The following EIF2A variants were observed in gnomAD, a reference collection of about 807,000 sequenced individuals.
The protein encoded by EIF2A is eukaryotic translation initiation factor 2A, also known as 65 kDa eukaryotic translation initiation factor 2A.
In EIF2A, 62 loss-of-function variants were observed where a neutral mutation model predicts 75.2. That is an observed-to-expected ratio of 0.82 (90% confidence interval 0.67 to 1.02). The LOEUF (loss-of-function observed/expected upper bound fraction) is 1.02. Among genes scored for constraint, EIF2A ranks in the 50% least tolerant of loss-of-function variants. The probability of loss-of-function intolerance (pLI) is 0.00; values close to 1 mark genes in which losing one functional copy is unlikely to be tolerated. For synonymous variants in EIF2A, 207 were observed against 239.0 expected (o/e 0.87, Z 1.23); for missense variants, 611 against 677.7 (o/e 0.90, Z 1.09).
At chr3:150,560,641 T>G (rs1723798384) in intron 3 of EIF2A, among the ~76,000 whole-genome samples, 1 of 152,132 alleles carries the variant, frequency 6.6e-6, no homozygotes, top group African/African-American at 2.4e-5. Flanking sequence ...ACTGCTTATC[T>G]TAACCTCAGT....
At chr3:150,562,861 G>T (rs1434719691) in intron 4 of EIF2A, 1 of 385,424 alleles carries the variant, frequency 2.6e-6, no homozygotes, top group Non-Finnish European at 4.7e-6. Flanking sequence ...AAGGTATATG[G>T]TAAGTTAATG....
chr3:150,556,663 A>T (rs772912526), intron 2 of EIF2A, among the ~76,000 whole-genome samples: 1 of 152,186 alleles, frequency 6.6e-6, no homozygotes, highest in Non-Finnish European at 1.5e-5. Flanking sequence ...CTTGATGATG[A>T]GTGCATAGGT....
intron 6 of EIF2A, chr3:150,566,519 A>G (rs576400382): frequency 6.6e-6 from 1 of 151,198 alleles, no homozygotes; most frequent in South Asian, 2.1e-4. Context: ...TTTTTTTTCT[A>G]TTTAAAAGAT....
chr3:150,550,296 C>T (rs1306588607), intron 1 of EIF2A, among the ~76,000 whole-genome samples: 3 of 152,110 alleles, frequency 2.0e-5, no homozygotes, highest in African/African-American at 2.4e-5. Flanking sequence ...TTCACAGATA[C>T]TTGTAACTAA....
chr3:150,581,922 A>C (rs950729788), intron 12 of EIF2A, among the ~76,000 whole-genome samples, 176 bp downstream of exon 12: 9 of 152,208 alleles, frequency 5.9e-5, no homozygotes, highest in African/African-American at 2.4e-5. Flanking sequence ...TTTTAGTTCT[A>C]TTCATAAATG....
chr3:150,579,906 C>T (rs1725075382), intron 11 of EIF2A, among the ~76,000 whole-genome samples: 2 of 152,018 alleles, frequency 1.3e-5, no homozygotes, highest in African/African-American at 4.8e-5. Context: ...ATATATTCCA[C>T]TGGAAATTCT....
intron 1 of EIF2A, chr3:150,547,153 C>T (rs543216798): frequency 2.0e-5 from 8 of 397,550 alleles, no homozygotes; most frequent in Middle Eastern, 1.5e-3. Context: ...TGGTGTTACA[C>T]GGGCCCTTGT....
chr3:150,549,807 A>G, intron 1 of EIF2A, among the ~76,000 whole-genome samples: 1 of 152,194 alleles, frequency 6.6e-6, no homozygotes, highest in Non-Finnish European at 1.5e-5. Flanking sequence ...CACATAAAAC[A>G]GCAATGTCCA....
At chr3:150,573,178 G>T (rs1724640924) in intron 10 of EIF2A, among the ~76,000 whole-genome samples, 1 of 152,122 alleles carries the variant, frequency 6.6e-6, no homozygotes, top group South Asian at 2.1e-4. Flanking sequence ...AAAGTAGTAG[G>T]TTTATTTTGG....
intron 1 of EIF2A, among the ~76,000 whole-genome samples, chr3:150,549,709 T>C (rs1723224732): frequency 6.6e-6 from 1 of 152,132 alleles, no homozygotes; most frequent in Non-Finnish European, 1.5e-5. Flanking sequence ...CTTTTAATCA[T>C]GTAGTCAGGA....
chr3:150,577,584 T>C (rs954343365), intron 11 of EIF2A, among the ~76,000 whole-genome samples: 1 of 151,898 alleles, frequency 6.6e-6, no homozygotes, highest in Non-Finnish European at 1.5e-5. Context: ...TTGGTTTGGT[T>C]TTGGCTTGGT....
chr3:150,564,510 A>G (rs1410321655), intron 6 of EIF2A, 129 bp downstream of exon 6: 1 of 607,734 alleles, frequency 1.6e-6, no homozygotes, highest in Non-Finnish European at 2.6e-6. Flanking sequence ...TCTTACATAC[A>G]TTTGCATAAT....
Position 150,581,635 on chromosome 3 carries a change from G to C in EIF2A, c.1515G>C (p.Lys505Asn). The C allele has an allele frequency of 6.4e-7, 1 of 1,551,172 alleles. No homozygotes were observed. The highest frequency in any genetic ancestry group is 8.7e-7 in the Non-Finnish European group (1 of 1,146,750). ...TCCTGCAGGAAGCAAGAAGTGACAA[G>C]AGTCCAGATTTGGCACCTACTCCTG... ...KAAKQEARSD[K>N]SPDLAPTPAP... The change falls in exon 12 of 14, where the codon AAG (lysine) becomes AAC (asparagine). Residue 505 changes from lysine (K) to asparagine (N), a missense_variant. Physicochemically the swap from Lys to Asn is moderately conservative, Grantham distance 94. Transcript: ENST00000460851.
Position 150,552,337 on chromosome 3 carries a change from T to C in EIF2A, c.29-19T>C. The C allele has an allele frequency of 6.5e-7, 1 of 1,545,620 alleles. No individual in the cohort carries two copies. Among genetic ancestry groups the C allele is most frequent in the Non-Finnish European group, 8.7e-7 (1 of 1,144,842 alleles). On this transcript the variant is annotated intron_variant, in intron 1 of 13. Coordinates refer to ENST00000460851, the MANE Select transcript of EIF2A (RefSeq NM_032025.5). ...TTATTAACAAAGTAATTGTGGTTCT[T>C]TTTATTTTACTTCTTTAGTCCGAGG...
Position 150,567,932 on chromosome 3 carries a change from G to A in EIF2A, c.580G>A (p.Ala194Thr). 6.2e-7 allele frequency: 1 copy of A among 1,611,564 alleles called. No individual in the cohort carries two copies. Among genetic ancestry groups the A allele is most frequent in the South Asian group, 1.1e-5 (1 of 90,386 alleles). The change falls in exon 8 of 14, where the codon GCA becomes ACA. Residue 194 changes from alanine (A) to threonine (T), a missense_variant. Ala to Thr is a moderately conservative substitution (Grantham distance 58). Transcript: ENST00000460851. ...TGTCTATGTTCCAGGAAGTAAAGGT[G>A]CACCTTCATTTGTTAGATTATATCA... ...VAVYVPGSKGAPSFVRLYQYP... is the reference protein window; with the variant it reads ...VAVYVPGSKGTPSFVRLYQYP...
intron 6 of EIF2A, 115 bp from the exon 7 acceptor site, chr3:150,567,578 C>G (rs1724254350): frequency 1.4e-6 from 1 of 732,040 alleles, no homozygotes; most frequent in Non-Finnish European, 2.2e-6. Context: ...CAGGAGGAGA[C>G]TACAGTGAGT....
chr3:150,579,717 AG>A (rs1725064769), intron 11 of EIF2A, among the ~76,000 whole-genome samples: 1 of 149,688 alleles, frequency 6.7e-6, no homozygotes, highest in African/African-American at 2.4e-5. Flanking sequence ...AAAAAAAAAA[AG>A]AGAAAAATTG....
chr3:150,557,589 AG>A (rs915878318), intron 2 of EIF2A: 2 of 279,116 alleles, frequency 7.2e-6, no homozygotes, highest in African/African-American at 2.3e-5. Context: ...TATTAGAGAC[AG>A]GGTTTCGCCA....
chr3:150,552,874 G>C (rs2107903779), intron 2 of EIF2A: 1 of 153,026 alleles, frequency 6.5e-6, no homozygotes, highest in South Asian at 2.1e-4. Flanking sequence ...CAATGGACAA[G>C]TAAACCAAAA....
Sources: allele counts gnomAD v4.1 joint callset (sites outside exome capture counted in the v4.1 genomes callset), GRCh38; gene constraint gnomAD v4.1.1; transcripts MANE v1.5; gene names NCBI Gene and HGNC (gene_info 2026-07-23, HGNC 2026-07-21).